Variants in GYPC observed in about 807,000 individuals in gnomAD.
GYPC encodes glycophorin C (Gerbich blood group).
A neutral mutation model predicts 12.6 loss-of-function variants in GYPC; 14 were observed. The ratio of observed to expected loss-of-function variants is 1.11; its 90% confidence interval spans 0.74 to 1.74. GYPC has a LOEUF of 1.74. Among genes scored for constraint, GYPC ranks in the 40% most tolerant of loss-of-function variants. The probability of loss-of-function intolerance (pLI) is 0.00; values close to 1 mark genes in which losing one functional copy is unlikely to be tolerated. For synonymous variants in GYPC, 78 were observed against 62.1 expected (o/e 1.26, Z -1.20); for missense variants, 225 against 172.1 (o/e 1.31, Z -1.72).
intron 1 of GYPC, chr2:126,658,644 G>A (rs902973642): frequency 1.1e-4 from 16 of 152,154 alleles, no homozygotes; most frequent in African/African-American, 3.6e-4. Flanking sequence ...GTTAAAAATA[G>A]GAGAAAGACA....
chr2:126,663,833 G>T (rs932482961), intron 1 of GYPC, among the ~76,000 whole-genome samples: 2 of 152,118 alleles, frequency 1.3e-5, no homozygotes, highest in Non-Finnish European at 2.9e-5. Flanking sequence ...TCCTTCCCTC[G>T]GCTCACCTGG....
intron 1 of GYPC, among the ~76,000 whole-genome samples, chr2:126,677,579 G>T (rs909693891): frequency 6.6e-6 from 1 of 152,006 alleles, no homozygotes; most frequent in African/African-American, 2.4e-5. Flanking sequence ...GTGTGTGAGT[G>T]TGTGAGTGTG....
chr2:126,678,541 C>T (rs1320188395), intron 1 of GYPC: 1 of 152,258 alleles, frequency 6.6e-6, no homozygotes. Context: ...TTTCCTGAAC[C>T]CTTGAGTTCT....
At chr2:126,683,772 G>A (rs1308858116) in intron 1 of GYPC, among the ~76,000 whole-genome samples, 1 of 152,216 alleles carries the variant, frequency 6.6e-6, no homozygotes, top group Non-Finnish European at 1.5e-5. Context: ...CCAAAAGCAA[G>A]TGACTAGGTA....
At chr2:126,680,855 G>A (rs7562905) in intron 1 of GYPC, among the ~76,000 whole-genome samples, 25,627 of 152,176 alleles carry the variant, frequency 0.17, 2,744 homozygotes, top group East Asian at 0.42. Context: ...TTCAGAGAGG[G>A]TGGTCATGGT....
intron 1 of GYPC, among the ~76,000 whole-genome samples, chr2:126,657,287 C>T (rs899267794): frequency 4.6e-5 from 7 of 152,230 alleles, no homozygotes; most frequent in African/African-American, 9.6e-5. Flanking sequence ...TGTGGTTGTG[C>T]TTGCGTCAGC....
chr2:126,694,034 G>A (rs948222807), intron 3 of GYPC, 87 bp downstream of exon 3: 31 of 922,008 alleles, frequency 3.4e-5, no homozygotes, highest in Non-Finnish European at 5.4e-5. Context: ...TAAGGACTTG[G>A]GCAGTGGTGG....
intron 1 of GYPC, among the ~76,000 whole-genome samples, chr2:126,682,433 CAG>C (rs1683174259): frequency 6.6e-6 from 1 of 152,176 alleles, no homozygotes; most frequent in Non-Finnish European, 1.5e-5. Context: ...TGGGGGTAGA[CAG>C]GGGACACGCA....
chr2:126,682,839 G>T lies in GYPC; in HGVS notation c.50-7416G>T, dbSNP rs922287570. ...CTCCAGTCCCTACCCATCTCCAGCA[G>T]CCAGATGCTGACCAAGCCCCAGGAG... is the stretch of plus-strand genomic sequence containing the variant. On this transcript the variant is annotated intron_variant, in intron 1 of 3. Coordinates refer to ENST00000259254, the MANE Select transcript of GYPC (RefSeq NM_002101.5). Among the ~76,000 whole-genome samples, 26 of 152,174 alleles carry T rather than the reference G, an allele frequency of 1.7e-4. 1 individual carries two copies. The highest frequency in any genetic ancestry group is 2.6e-4 in the Non-Finnish European group (18 of 68,042).
chr2:126,675,760 A>T, intron 1 of GYPC: 1 of 787,086 alleles, frequency 1.3e-6, no homozygotes, highest in South Asian at 5.8e-5. Flanking sequence ...GTGAGTAATA[A>T]AATTTATTAG....
At chr2:126,677,308 T>G (rs1683019797) in intron 1 of GYPC, among the ~76,000 whole-genome samples, 1 of 150,616 alleles carries the variant, frequency 6.6e-6, no homozygotes, top group Non-Finnish European at 1.5e-5. Context: ...AGTGTGTGAG[T>G]GTGTGTGAGA....
chr2:126,667,392 A>ATCTTTTTTTTT (rs1265639979), intron 1 of GYPC, among the ~76,000 whole-genome samples: 112 of 150,884 alleles, frequency 7.4e-4, no homozygotes, highest in Non-Finnish European at 1.4e-3. Context: ...TGATCTGGAT[A>ATCTTTTTTTTT]TCTTTTTTTT....
chr2:126,664,921 G>A (rs549015840), intron 1 of GYPC, among the ~76,000 whole-genome samples: 5 of 152,144 alleles, frequency 3.3e-5, no homozygotes, highest in African/African-American at 9.6e-5. Flanking sequence ...AGATGCTAGG[G>A]AGGCTCAGGT....
At chr2:126,677,940 G>A (rs187661724) in intron 1 of GYPC, among the ~76,000 whole-genome samples, 11 of 152,320 alleles carry the variant, frequency 7.2e-5, no homozygotes, top group Admixed American at 3.3e-4. Context: ...GTCCCCCATC[G>A]GCCGGGTGCA....
At chr2:126,688,178 G>C (rs1219702045) in intron 1 of GYPC, among the ~76,000 whole-genome samples, 2 of 152,164 alleles carry the variant, frequency 1.3e-5, no homozygotes, top group Non-Finnish European at 2.9e-5. Context: ...TTAAAGGAAG[G>C]GAAAATAACA....
chr2:126,691,657 C>T (rs1039035958), intron 2 of GYPC, among the ~76,000 whole-genome samples: 4 of 152,138 alleles, frequency 2.6e-5, no homozygotes, highest in Admixed American at 2.6e-4. Flanking sequence ...CTGGGACTTC[C>T]CTGGTTTTAG....
At chr2:126,679,236 G>A (rs1479683143) in intron 1 of GYPC, among the ~76,000 whole-genome samples, 1 of 152,180 alleles carries the variant, frequency 6.6e-6, no homozygotes, top group Admixed American at 6.5e-5. Context: ...CAGATCACAT[G>A]TGTGAGCACA....
chr2:126,687,081 A>AG (rs1042816425), intron 1 of GYPC, among the ~76,000 whole-genome samples: 20 of 152,238 alleles, frequency 1.3e-4, no homozygotes, highest in South Asian at 4.2e-4. Flanking sequence ...GAGTGCGCCA[A>AG]GGGGGGCTCT....
chr2:126,669,170 T>C (rs965164255), intron 1 of GYPC, among the ~76,000 whole-genome samples: 5 of 152,202 alleles, frequency 3.3e-5, no homozygotes, highest in African/African-American at 4.8e-5. Context: ...CTGCTGAGGA[T>C]GCTCTAACTC....
Sources: gnomAD v4.1 joint callset for allele counts (sites outside exome capture counted in the v4.1 genomes callset) on GRCh38, gnomAD v4.1.1 for gene constraint, MANE v1.5 for transcripts, NCBI Gene and HGNC (gene_info 2026-07-23, HGNC 2026-07-21) for gene names.